The following CAST variants were observed in gnomAD, a reference collection of about 807,000 sequenced individuals.
CAST encodes calpastatin, also known as MIR583 host.
A neutral mutation model predicts 119.6 loss-of-function variants in CAST; 76 were observed. That is an observed-to-expected ratio of 0.64 (90% CI 0.53 to 0.77). The LOEUF (loss-of-function observed/expected upper bound fraction) is 0.77, where lower values mean the gene tolerates loss of function less well. CAST is among the 30% of genes least tolerant of loss of function. CAST has a pLI of 0.00. For synonymous variants in CAST, 319 were observed against 331.6 expected (o/e 0.96, Z 0.41); for missense variants, 953 against 946.5 (o/e 1.01, Z -0.09).
the CAST span, among the ~76,000 whole-genome samples, chr5:96,494,544 A>G: frequency 2.0e-5 from 3 of 152,222 alleles, no homozygotes; most frequent in African/African-American, 7.2e-5. Flanking sequence ...AAAATGAAGC[A>G]TATAAAAAGC....
the CAST span, among the ~76,000 whole-genome samples, chr5:96,084,350 T>C: frequency 6.6e-6 from 1 of 152,134 alleles, no homozygotes; most frequent in African/African-American, 2.4e-5. Context: ...CTGGGTAATT[T>C]TAGGAAAAGG....
the CAST span, among the ~76,000 whole-genome samples, chr5:96,487,802 T>C: frequency 2.0e-5 from 3 of 152,202 alleles, no homozygotes; most frequent in Admixed American, 6.5e-5. Context: ...TGAATGAAAC[T>C]CAATTTCTAT....
chr5:96,643,641 G>A (rs188235505), intron 1 of CAST, among the ~76,000 whole-genome samples: 414 of 152,230 alleles, frequency 2.7e-3, no homozygotes, highest in African/African-American at 7.6e-3. Context: ...TTGGGAGGCC[G>A]AGGTGGGTGG....
chr5:96,053,777 T>C, the CAST span, among the ~76,000 whole-genome samples: 1 of 152,222 alleles, frequency 6.6e-6, no homozygotes, highest in Non-Finnish European at 1.5e-5. Context: ...CAAATATTAC[T>C]CAGTTTTTCT....
chr5:96,673,773 TAA>T (rs1244885169), intron 1 of CAST, among the ~76,000 whole-genome samples: 1 of 152,340 alleles, frequency 6.6e-6, no homozygotes, highest in African/African-American at 2.4e-5. Context: ...CCTTGATATA[TAA>T]GTGGACTTTA....
In CAST at chr5:96,750,672, C is replaced by T. The variant is rs776708908; in HGVS notation, c.1514C>T (p.Pro505Leu). The change falls in exon 20 of 32, where the codon CCG (proline) becomes CTG (leucine). Residue 505 changes from proline to leucine, a missense_variant. Coordinates refer to ENST00000675179, the MANE Select transcript of CAST (RefSeq NM_001750.7). Reference protein sequence around the residue: ...MCSIQSAPPEPATLKGTVPDD... With the variant: ...MCSIQSAPPELATLKGTVPDD... ...AGTATACAGTCAGCACCCCCTGAGC[C>T]GGCTACCTTGGTGAGTGACTCCCTG... 36 of 1,611,326 alleles carry T rather than the reference C, an allele frequency of 2.2e-5. No homozygotes were observed. Among genetic ancestry groups the T allele is most frequent in the Admixed American group, 1.8e-4 (11 of 59,954 alleles).
At chr5:96,081,849 T>A in the CAST span, among the ~76,000 whole-genome samples, 1 of 152,214 alleles carries the variant, frequency 6.6e-6, no homozygotes, top group African/African-American at 2.4e-5. Flanking sequence ...AACTTCTCCA[T>A]TGTAAATGAT....
chr5:96,392,906 A>G, the CAST span: 4 of 1,234,878 alleles, frequency 3.2e-6, no homozygotes, highest in Non-Finnish European at 4.8e-6. Context: ...TTATAAGCAT[A>G]AGAATTCATG....
the CAST span, among the ~76,000 whole-genome samples, chr5:96,058,091 T>C: frequency 1.3e-5 from 2 of 152,220 alleles, no homozygotes; most frequent in East Asian, 3.9e-4. Context: ...GTGTGTAATG[T>C]GTATTTGTAG....
chr5:96,243,980 T>C, the CAST span, among the ~76,000 whole-genome samples: 239 of 152,328 alleles, frequency 1.6e-3, 3 homozygotes, highest in South Asian at 0.028. Context: ...TTTAGAAGCA[T>C]TACTGCATAG....
intron 4 of CAST, among the ~76,000 whole-genome samples, chr5:96,726,300 T>A (rs999413714): frequency 6.6e-6 from 1 of 152,224 alleles, no homozygotes; most frequent in Non-Finnish European, 1.5e-5. Context: ...CTAAAGATGC[T>A]AAGTTACAAC....
At chr5:96,103,662 C>G in the CAST span, among the ~76,000 whole-genome samples, 1 of 134,064 alleles carries the variant, frequency 7.5e-6, no homozygotes, top group African/African-American at 2.8e-5. Flanking sequence ...AATAAACATA[C>G]GTGTGCATGT....
chr5:96,436,981 GT>G, the CAST span, among the ~76,000 whole-genome samples: 1 of 152,170 alleles, frequency 6.6e-6, no homozygotes, highest in African/African-American at 2.4e-5. Context: ...CTTGCAGCAG[GT>G]TGCTGAAGTA....
the CAST span, among the ~76,000 whole-genome samples, chr5:96,260,507 T>G: frequency 6.6e-6 from 1 of 152,260 alleles, no homozygotes; most frequent in Admixed American, 6.5e-5. Context: ...ATCCATTTCT[T>G]AATACATTAT....
chr5:96,503,215 T>C, the CAST span, among the ~76,000 whole-genome samples: 66 of 152,348 alleles, frequency 4.3e-4, no homozygotes, highest in African/African-American at 1.6e-3. Context: ...TCAAGCCTTT[T>C]CCTATATTGA....
the CAST span, among the ~76,000 whole-genome samples, chr5:96,193,273 A>G: frequency 1.3e-5 from 2 of 152,116 alleles, no homozygotes; most frequent in African/African-American, 2.4e-5. Context: ...TTTAATGTAA[A>G]CTAATGTATA....
At chr5:96,293,606 A>G in the CAST span, among the ~76,000 whole-genome samples, 1 of 151,664 alleles carries the variant, frequency 6.6e-6, no homozygotes, top group South Asian at 2.1e-4. Flanking sequence ...GAGTTCATTA[A>G]TCTTTAGGGG....
At chr5:96,210,773 A>C in the CAST span, among the ~76,000 whole-genome samples, 1 of 152,066 alleles carries the variant, frequency 6.6e-6, no homozygotes, top group Non-Finnish European at 1.5e-5. Flanking sequence ...TTTAGGGAAA[A>C]TTAATATCCT....
the CAST span, among the ~76,000 whole-genome samples, chr5:96,441,909 G>A: frequency 1.3e-5 from 2 of 152,164 alleles, no homozygotes; most frequent in East Asian, 3.8e-4. Flanking sequence ...CTGTGGGAAG[G>A]TTTGGATCCA....
Sources: gnomAD v4.1 joint callset for allele counts (sites outside exome capture counted in the v4.1 genomes callset) on GRCh38, gnomAD v4.1.1 for gene constraint, MANE v1.5 for transcripts, NCBI Gene and HGNC (gene_info 2026-07-23, HGNC 2026-07-21) for gene names.